Variants in CA10 observed in about 807,000 individuals in gnomAD.
CA10 encodes carbonic anhydrase 10 (inactive).
CA10 carries 14 observed loss-of-function variants against 44.2 expected under a neutral mutation model. The observed-to-expected ratio is 0.32, with a 90% CI of 0.21 to 0.50. The LOEUF is 0.50. Ranked by LOEUF, CA10 falls within the 20% of genes least tolerant of loss-of-function variation. The pLI is 0.99. For missense variants in CA10, 350 were observed against 409.7 expected (o/e 0.85, Z 1.26); for synonymous variants, 159 against 141.6 (o/e 1.12, Z -0.87).
chr17:51,707,232 A>G (rs1915788937), intron 4 of CA10, among the ~76,000 whole-genome samples: 1 of 152,142 alleles, frequency 6.6e-6, no homozygotes, highest in Non-Finnish European at 1.5e-5. Context: ...GTCCTGGCTT[A>G]TAAGGTTAGT....
chr17:52,054,833 A>C (rs2058309), intron 2 of CA10, among the ~76,000 whole-genome samples: 150,937 of 152,110 alleles, frequency 0.99, 74,899 homozygotes, highest in East Asian at 1. Context: ...TGTTGCAAAA[A>C]CTATCCAGAA....
At chr17:51,805,360 C>T (rs1362289625) in intron 3 of CA10, among the ~76,000 whole-genome samples, 2 of 152,072 alleles carry the variant, frequency 1.3e-5, no homozygotes, top group African/African-American at 4.8e-5. Context: ...TATTATAATT[C>T]CTGAGAAGGA....
At chr17:52,041,784 C>T (rs945992208) in intron 2 of CA10, among the ~76,000 whole-genome samples, 1 of 152,214 alleles carries the variant, frequency 6.6e-6, no homozygotes, top group Admixed American at 6.5e-5. Context: ...CCATTTTACC[C>T]TCTGCTTCTA....
chr17:51,839,469 G>C (rs1978301112), intron 3 of CA10, among the ~76,000 whole-genome samples: 1 of 130,490 alleles, frequency 7.7e-6, no homozygotes, highest in Admixed American at 8.1e-5. Flanking sequence ...CTCCAGCCTG[G>C]GTGACAGAGC....
At chr17:51,711,535 TAA>T (rs1261286481) in intron 4 of CA10, among the ~76,000 whole-genome samples, 3 of 152,142 alleles carry the variant, frequency 2.0e-5, no homozygotes, top group African/African-American at 7.2e-5. Context: ...TGCTGCAAAA[TAA>T]AGTCAAACTA....
chr17:51,961,151 A>G (rs563578345), intron 2 of CA10, among the ~76,000 whole-genome samples: 47 of 150,142 alleles, frequency 3.1e-4, no homozygotes, highest in African/African-American at 9.1e-4. Flanking sequence ...GCATTAGCCA[A>G]TTTCCTGCCC....
intron 2 of CA10, among the ~76,000 whole-genome samples, chr17:51,969,949 C>T (rs1984220339): frequency 6.6e-6 from 1 of 152,024 alleles, no homozygotes; most frequent in South Asian, 2.1e-4. Context: ...ATTGGATGCT[C>T]TAACTGCAGT....
chr17:51,870,210 T>C (rs569787665), intron 3 of CA10, among the ~76,000 whole-genome samples: 1 of 152,356 alleles, frequency 6.6e-6, no homozygotes, highest in South Asian at 2.1e-4. Context: ...ATTATACTTA[T>C]ACAGTTAGCA....
intron 4 of CA10, among the ~76,000 whole-genome samples, chr17:51,739,135 T>C (rs921470287): frequency 6.6e-6 from 1 of 152,178 alleles, no homozygotes; most frequent in Non-Finnish European, 1.5e-5. Context: ...AAATTTTCAT[T>C]GGCCACTGAT....
chr17:51,893,221 T>G (rs570972789), intron 3 of CA10, among the ~76,000 whole-genome samples: 17 of 152,070 alleles, frequency 1.1e-4, no homozygotes, highest in Non-Finnish European at 2.1e-4. Context: ...GAGAGTAACA[T>G]GAAACCACAC....
intron 3 of CA10, among the ~76,000 whole-genome samples, chr17:51,908,891 A>C (rs1478848447): frequency 2.0e-5 from 3 of 152,172 alleles, no homozygotes; most frequent in African/African-American, 7.2e-5. Context: ...TGCAGAGAGA[A>C]TCAAACTCTG....
intron 2 of CA10, among the ~76,000 whole-genome samples, chr17:51,952,614 A>T (rs1275273838): frequency 6.6e-6 from 1 of 152,148 alleles, no homozygotes; most frequent in Non-Finnish European, 1.5e-5. Context: ...CAATTTAACC[A>T]CAACAAATGG....
chr17:52,020,136 A>T (rs1229553863), intron 2 of CA10, among the ~76,000 whole-genome samples: 1 of 151,956 alleles, frequency 6.6e-6, no homozygotes, highest in African/African-American at 2.4e-5. Context: ...TGACCCTTTT[A>T]TCATTATAAA....
chr17:51,944,447 A>C (rs1022060005), intron 2 of CA10, among the ~76,000 whole-genome samples: 3 of 152,196 alleles, frequency 2.0e-5, no homozygotes, highest in Non-Finnish European at 4.4e-5. Context: ...CGTAAGAAAC[A>C]ATAAGCTGCA....
intron 3 of CA10, among the ~76,000 whole-genome samples, chr17:51,878,828 TCATA>T (rs1980206080): frequency 1.6e-5 from 1 of 62,054 alleles, no homozygotes; most frequent in Admixed American, 2.1e-4. Context: ...TTTTTCATGT[TCATA>T]TATATATATA....
At chr17:52,070,176 A>G (rs572328249) in intron 2 of CA10, among the ~76,000 whole-genome samples, 103 of 152,296 alleles carry the variant, frequency 6.8e-4, no homozygotes, top group African/African-American at 2.4e-3. Context: ...AGAAAGACAA[A>G]AGGCTTTAGA....
intron 3 of CA10, among the ~76,000 whole-genome samples, chr17:51,765,868 G>A (rs1905363378): frequency 6.6e-6 from 1 of 152,100 alleles, no homozygotes; most frequent in Admixed American, 6.6e-5. Flanking sequence ...GAAGAGTCAG[G>A]GGTAAGTAGT....
chr17:51,762,361 T>C (rs1905238663), intron 3 of CA10: 2 of 152,374 alleles, frequency 1.3e-5, no homozygotes, highest in African/African-American at 2.4e-5. Flanking sequence ...ATGATTTGTG[T>C]CCAGGGGTAC....
intron 6 of CA10, among the ~76,000 whole-genome samples, chr17:51,642,017 C>G (rs1489678980): frequency 6.6e-6 from 1 of 152,082 alleles, no homozygotes; most frequent in Non-Finnish European, 1.5e-5. Flanking sequence ...ATGACATTTC[C>G]TCTTGTAATC....
Sources: gnomAD v4.1 joint callset for allele counts (sites outside exome capture counted in the v4.1 genomes callset) on GRCh38, gnomAD v4.1.1 for gene constraint, MANE v1.5 for transcripts, NCBI Gene and HGNC (gene_info 2026-07-23, HGNC 2026-07-21) for gene names.